The following NGEF variants were observed in gnomAD, a reference collection of about 807,000 sequenced individuals.
NGEF encodes the protein ephexin-1.
In NGEF, 31 loss-of-function variants were observed where a neutral mutation model predicts 80.9. The observed-to-expected ratio is 0.38, with a 90% CI of 0.29 to 0.52. The LOEUF is 0.52. Ranked by LOEUF, NGEF falls within the 20% of genes least tolerant of loss-of-function variation. NGEF has a pLI of 0.84. For synonymous variants in NGEF, 371 were observed against 370.2 expected (o/e 1.00, Z -0.03); for missense variants, 709 against 926.2 (o/e 0.77, Z 3.04).
chr2:232,895,260 C>CT (rs1400230827), intron 5 of NGEF, among the ~76,000 whole-genome samples: 1 of 152,170 alleles, frequency 6.6e-6, no homozygotes, highest in Non-Finnish European at 1.5e-5. Context: ...GGCGTGGTGA[C>CT]TCACTCTTGT....
chr2:232,934,914 G>C (rs1347082008), intron 3 of NGEF, among the ~76,000 whole-genome samples: 1 of 151,738 alleles, frequency 6.6e-6, no homozygotes, highest in African/African-American at 2.4e-5. Context: ...AGGCTAAGGA[G>C]AGAGGATCAC....
intron 1 of NGEF, among the ~76,000 whole-genome samples, chr2:232,995,688 A>G (rs112867511): frequency 0.21 from 27,439 of 132,894 alleles, 3,549 homozygotes; most frequent in Non-Finnish European, 0.28. Context: ...TATATATATT[A>G]TAGTGTATGT....
Position 232,881,167 on chromosome 2 carries a change from T to C in NGEF, c.1921A>G (p.Ile641Val). The C allele has an allele frequency of 6.2e-7, 1 of 1,612,386 alleles. No individual in the cohort carries two copies. Among genetic ancestry groups the C allele is most frequent in the Non-Finnish European group, 8.5e-7 (1 of 1,179,940 alleles). ...LTLELADILNILDKTDDGWIF... is the reference protein window; with the variant it reads ...LTLELADILNVLDKTDDGWIF... ...TCACCGTCGTCAGTCTTGTCCAGGA[T>C]GTTGAGGATGTCGGCGAGCTCCAGC... Residue 641 changes from isoleucine (I) to valine (V), a missense_variant, in exon 14 of 15, where the codon ATC becomes GTC. This residue lies in a region of NGEF where 426 missense variants were observed against 622.9 expected (regional missense o/e 0.68). Transcript: ENST00000264051.
At chr2:232,930,116 G>A (rs978199337) in intron 3 of NGEF, among the ~76,000 whole-genome samples, 14 of 152,098 alleles carry the variant, frequency 9.2e-5, no homozygotes, top group Non-Finnish European at 1.2e-4. Context: ...TCAGCCGCGT[G>A]AGAGCGGAGT....
intron 5 of NGEF, among the ~76,000 whole-genome samples, chr2:232,907,174 GAAAAGAAAAAAAAGAA>G (rs1692583298): frequency 3.0e-5 from 1 of 33,060 alleles, no homozygotes; most frequent in African/African-American, 1.0e-4. Flanking sequence ...AAAAAAAAAA[GAAAAGAAAAAAAAGAA>G]AAAAAAAAAA....
intron 3 of NGEF, among the ~76,000 whole-genome samples, chr2:232,962,530 T>C (rs1377460731): frequency 3.3e-5 from 5 of 151,844 alleles, no homozygotes; most frequent in Non-Finnish European, 7.3e-5. Flanking sequence ...GCCTGGGTAA[T>C]AGAGTGAGAC....
At chr2:232,886,915 G>C (rs1411553011) in intron 9 of NGEF, among the ~76,000 whole-genome samples, 1 of 152,232 alleles carries the variant, frequency 6.6e-6, no homozygotes, top group African/African-American at 2.4e-5. Flanking sequence ...ATGCCCCCTG[G>C]CTACCCTGCT....
rs565883643 is a variant in NGEF at position 232,906,702 on chromosome 2, C to A, written c.829-11786G>T. ...GGTGTACCCAACAGCTCATTGAGAA[C>A]GGGCCATGATGACAATGGCGGTTTT... On this transcript the variant is annotated intron_variant, in intron 5 of 14. Coordinates refer to ENST00000264051, the MANE Select transcript of NGEF (RefSeq NM_019850.3). Among the ~76,000 whole-genome samples, 3 of 139,976 alleles carry A rather than the reference C, an allele frequency of 2.1e-5. 1 individual carries two copies. The highest frequency in any genetic ancestry group is 8.0e-5 in the African/African-American group (3 of 37,562). 91.8% of individuals were successfully genotyped at this position (139,976 alleles called of 152,430 possible).
intron 4 of NGEF, among the ~76,000 whole-genome samples, chr2:232,926,748 C>A (rs567754522): frequency 6.6e-6 from 1 of 152,182 alleles, no homozygotes; most frequent in African/African-American, 2.4e-5. Flanking sequence ...TTCTTTCTGG[C>A]AGAAGTGATA....
intron 5 of NGEF, among the ~76,000 whole-genome samples, chr2:232,915,169 T>G (rs1225817393): frequency 6.6e-6 from 1 of 152,168 alleles, no homozygotes; most frequent in Non-Finnish European, 1.5e-5. Flanking sequence ...CTGTAGGTGA[T>G]TTTTTGGGGT....
intron 1 of NGEF, among the ~76,000 whole-genome samples, chr2:232,998,630 G>A (rs1269452667): frequency 6.6e-6 from 1 of 152,168 alleles, no homozygotes; most frequent in South Asian, 2.1e-4. Flanking sequence ...AGGGGGCCCT[G>A]GGCAGTTTGG....
At chr2:232,918,396 G>A (rs1017853299) in intron 5 of NGEF, among the ~76,000 whole-genome samples, 1 of 151,534 alleles carries the variant, frequency 6.6e-6, no homozygotes, top group East Asian at 2.0e-4. Flanking sequence ...CCACCACACC[G>A]AGCCTCAATT....
intron 1 of NGEF, among the ~76,000 whole-genome samples, chr2:233,003,445 T>G (rs1695021813): frequency 6.6e-6 from 1 of 152,220 alleles, no homozygotes; most frequent in African/African-American, 2.4e-5. Context: ...GTTCGCAGCT[T>G]AGATGGACCC....
At chr2:232,926,924 C>G (rs1473760546) in intron 4 of NGEF, 120 bp downstream of exon 4, 5 of 1,300,200 alleles carry the variant, frequency 3.8e-6, no homozygotes, top group Non-Finnish European at 5.4e-6. Context: ...CTTTCCTTAC[C>G]CATGTCAGAC....
At chr2:232,923,474 G>A (rs893787974) in intron 4 of NGEF, among the ~76,000 whole-genome samples, 9 of 152,110 alleles carry the variant, frequency 5.9e-5, no homozygotes, top group Non-Finnish European at 5.9e-5. Flanking sequence ...AGTGGCTCAC[G>A]CCTGTAATCC....
chr2:232,921,490 T>C (rs1341826013), intron 4 of NGEF, among the ~76,000 whole-genome samples: 2 of 152,168 alleles, frequency 1.3e-5, no homozygotes, highest in Non-Finnish European at 2.9e-5. Context: ...CTCACTCTGT[T>C]ACCCAGGCTG....
chr2:232,888,533 A>ACATG (rs1559192817), intron 8 of NGEF, among the ~76,000 whole-genome samples: 1 of 102,184 alleles, frequency 9.8e-6, no homozygotes, highest in Non-Finnish European at 2.1e-5. Flanking sequence ...GCGCACACAT[A>ACATG]CATGCATGCA....
intron 4 of NGEF, among the ~76,000 whole-genome samples, chr2:232,926,630 C>G (rs1002114887): frequency 6.6e-6 from 1 of 152,282 alleles, no homozygotes; most frequent in South Asian, 2.1e-4. Context: ...CACGCCTCCT[C>G]CTCTAGCCCA....
chr2:232,885,335 A>T lies in NGEF; in HGVS notation c.1382T>A (p.Met461Lys). Residue 461 changes from methionine to lysine, a missense_variant, in exon 10 of 15, where the codon ATG (methionine) becomes AAG (lysine). Transcript: ENST00000264051. ...GCTGATCATCTGTTCCGTGCGGCTC[A>T]TTTTCCTGACGCCCTCGTTGCATGC... ...VKACNEGVRK[M>K]SRTEQMISIQ... is the part of the protein sequence containing the mutation. The T allele has an allele frequency of 6.2e-7, 1 of 1,613,902 alleles. No homozygotes were observed. Among genetic ancestry groups the T allele is most frequent in the Non-Finnish European group, 8.5e-7 (1 of 1,179,944 alleles).
Sources: allele counts gnomAD v4.1 joint callset (sites outside exome capture counted in the v4.1 genomes callset), GRCh38; gene constraint gnomAD v4.1.1; regional missense constraint gnomAD v4.1.1; transcripts MANE v1.5; gene names NCBI Gene and HGNC (gene_info 2026-07-23, HGNC 2026-07-21).